The following SYT9 variants were observed in gnomAD, a reference collection of about 807,000 sequenced individuals.
SYT9 encodes the protein synaptotagmin-9.
In SYT9, 22 loss-of-function variants were observed where a neutral mutation model predicts 48.4. The ratio of observed to expected loss-of-function variants is 0.45; its 90% confidence interval spans 0.32 to 0.65. SYT9 has a LOEUF of 0.65. SYT9 is among the 30% of genes least tolerant of loss of function. The pLI, the probability that SYT9 is intolerant of heterozygous loss-of-function variation, is 0.03. For missense variants in SYT9, 577 were observed against 622.0 expected, an observed-to-expected ratio of 0.93 and a Z score of 0.77; for synonymous variants, 265 against 245.0, an observed-to-expected ratio of 1.08 and a Z score of -0.76.
chr11:7,251,923 C>T lies in SYT9; in HGVS notation c.-264C>T, dbSNP rs1847874219. 7.8e-6 allele frequency: 3 copies of T among 385,806 alleles called. No individual in the cohort carries two copies. The allele number at this position is 385,806 out of a possible 1,614,324, so 23.9% of individuals were successfully genotyped here. On this transcript the variant is annotated 5_prime_UTR_variant, in exon 1 of 7. Coordinates refer to ENST00000318881, the MANE Select transcript of SYT9 (RefSeq NM_175733.4). ...AGAGGCGCTCTGGGCTGTGCGGCACCGCCTCTCCTCGGTGTCTGGGGAGGG... is the reference window on the plus strand; with the variant it reads ...AGAGGCGCTCTGGGCTGTGCGGCACTGCCTCTCCTCGGTGTCTGGGGAGGG...
At chr11:7,412,728 A>T (rs1246870102) in intron 3 of SYT9, among the ~76,000 whole-genome samples, 1 of 152,206 alleles carries the variant, frequency 6.6e-6, no homozygotes, top group African/African-American at 2.4e-5. Context: ...CTTGGTCAGC[A>T]GACTTGATGT....
intron 1 of SYT9, among the ~76,000 whole-genome samples, chr11:7,270,078 A>G (rs569389700): frequency 1.2e-4 from 18 of 152,318 alleles, no homozygotes; most frequent in Admixed American, 5.2e-4. Context: ...GCTGAAATAC[A>G]TTAATTAGTA....
chr11:7,406,894 G>C (rs1304018430), intron 3 of SYT9, among the ~76,000 whole-genome samples: 2 of 152,010 alleles, frequency 1.3e-5, no homozygotes, highest in Non-Finnish European at 2.9e-5. Context: ...TTCTAACTGG[G>C]ATAAGATGAT....
intron 2 of SYT9, among the ~76,000 whole-genome samples, chr11:7,304,480 T>A (rs535997636): frequency 1.1e-4 from 17 of 152,352 alleles, no homozygotes; most frequent in Admixed American, 5.2e-4. Flanking sequence ...TTTGGAGGTA[T>A]TTTTTAAAAA....
chr11:7,460,972 T>G (rs1185498316), intron 6 of SYT9, among the ~76,000 whole-genome samples: 2 of 152,078 alleles, frequency 1.3e-5, no homozygotes, highest in African/African-American at 2.4e-5. Flanking sequence ...TGCACAGACA[T>G]GGGATGGGGC....
At chr11:7,286,048 C>T (rs928642304) in intron 1 of SYT9, among the ~76,000 whole-genome samples, 32 of 152,188 alleles carry the variant, frequency 2.1e-4, no homozygotes, top group African/African-American at 7.2e-4. Flanking sequence ...AGGAGCTATC[C>T]TTCTGGGGTC....
intron 1 of SYT9, among the ~76,000 whole-genome samples, chr11:7,289,807 T>C (rs560456257): frequency 6.6e-6 from 1 of 152,364 alleles, no homozygotes; most frequent in Admixed American, 6.5e-5. Context: ...TTGTTAATAA[T>C]CACTCTAATG....
chr11:7,453,962 T>C (rs1262371518), intron 6 of SYT9: 9 of 984,572 alleles, frequency 9.1e-6, no homozygotes, highest in Non-Finnish European at 1.1e-5. Context: ...CCCAGTCTCC[T>C]TCAGCAGGCA....
chr11:7,426,852 G>A (rs1847467252), intron 6 of SYT9, among the ~76,000 whole-genome samples: 1 of 151,998 alleles, frequency 6.6e-6, no homozygotes, highest in Admixed American at 6.5e-5. Context: ...GAAACATTTG[G>A]AATTTGGATC....
intron 1 of SYT9, among the ~76,000 whole-genome samples, chr11:7,271,717 C>G (rs908629444): frequency 1.3e-5 from 2 of 152,138 alleles, no homozygotes; most frequent in African/African-American, 4.8e-5. Flanking sequence ...GCTGGGACTA[C>G]AGGCACGTGC....
chr11:7,363,631 C>T (rs1258965560), intron 3 of SYT9, among the ~76,000 whole-genome samples: 3 of 152,136 alleles, frequency 2.0e-5, no homozygotes, highest in African/African-American at 4.8e-5. Context: ...GCCCTGAAAA[C>T]TTCTTACATT....
At chr11:7,416,202 A>G (rs1470520375) in intron 4 of SYT9, 40 bp downstream of exon 4, 3 of 1,612,188 alleles carry the variant, frequency 1.9e-6, no homozygotes, top group African/African-American at 2.7e-5. Flanking sequence ...ATGCACTTCT[A>G]CTGTAGTAAG....
intron 3 of SYT9, among the ~76,000 whole-genome samples, chr11:7,367,239 G>A (rs1850269407): frequency 9.0e-6 from 1 of 111,338 alleles, no homozygotes; most frequent in Middle Eastern, 4.0e-3. Context: ...CCGCCACTAC[G>A]CCCGGCTAAT....
intron 3 of SYT9, among the ~76,000 whole-genome samples, chr11:7,315,640 G>A (rs1422380224): frequency 2.0e-5 from 3 of 152,192 alleles, no homozygotes; most frequent in South Asian, 2.1e-4. Flanking sequence ...TGAGAGCAAC[G>A]TTGACTGCGC....
chr11:7,281,030 G>T (rs1848483745), intron 1 of SYT9, among the ~76,000 whole-genome samples: 1 of 152,142 alleles, frequency 6.6e-6, no homozygotes, highest in African/African-American at 2.4e-5. Flanking sequence ...AATTTAAGTT[G>T]ATTCTTATGA....
chr11:7,303,061 C>G lies in SYT9; in HGVS notation c.168C>G (p.Thr56=), dbSNP rs1848953437. Residue 56 remains threonine, a synonymous_variant, in exon 2 of 7, where the codon ACC becomes ACG. Coordinates refer to ENST00000318881, the MANE Select transcript of SYT9 (RefSeq NM_175733.4). ...CAGATATCTCAGTGAGCCTGCTGAC[C>G]CTTGTGGTCACTGCCTGTGGTCTCG... The part of the protein sequence containing the change: ...RDPDISVSLL[T]LVVTACGLAL... The G allele has an allele frequency of 1.9e-6, 3 of 1,614,054 alleles. No individual in the cohort carries two copies. The Admixed American group carries it at 5.0e-5, about 27-fold the overall frequency.
chr11:7,277,171 T>C (rs1848412983), intron 1 of SYT9, among the ~76,000 whole-genome samples: 2 of 152,246 alleles, frequency 1.3e-5, no homozygotes, highest in South Asian at 4.1e-4. Flanking sequence ...TATCTTTTTA[T>C]TCTCTTCATC....
chr11:7,422,370 G>A (rs11041375), intron 6 of SYT9, among the ~76,000 whole-genome samples: 22,033 of 152,082 alleles, frequency 0.14, 1,668 homozygotes, highest in East Asian at 0.29. Context: ...AGTTCTGCCC[G>A]TGGGCCATAG....
At chr11:7,344,398 CT>C (rs139769860) in intron 3 of SYT9, among the ~76,000 whole-genome samples, 17,040 of 152,108 alleles carry the variant, frequency 0.11, 1,075 homozygotes, top group East Asian at 0.16. Flanking sequence ...ATTCTTAATT[CT>C]GCTCAAGTCC....
Sources: gnomAD v4.1 joint callset for allele counts (sites outside exome capture counted in the v4.1 genomes callset) on GRCh38, gnomAD v4.1.1 for gene constraint, MANE v1.5 for transcripts, NCBI Gene and HGNC (gene_info 2026-07-23, HGNC 2026-07-21) for gene names.